Variants in CUBN observed in about 807,000 individuals in gnomAD.
CUBN encodes the protein 460 kDa receptor.
CUBN carries 282 observed loss-of-function variants against 405.3 expected under a neutral mutation model. That is an observed-to-expected ratio of 0.70 (90% CI 0.63 to 0.77). CUBN has a LOEUF of 0.77. Among genes scored for constraint, CUBN ranks in the 30% least tolerant of loss-of-function variants. The pLI, the probability that CUBN is intolerant of heterozygous loss-of-function variation, is 0.00. For synonymous variants in CUBN, 1,684 were observed against 1,617.0 expected, an observed-to-expected ratio of 1.04 and a Z score of -0.99; for missense variants, 4,514 against 4,475.2, an observed-to-expected ratio of 1.01 and a Z score of -0.25.
intron 60 of CUBN, among the ~76,000 whole-genome samples, chr10:16,843,329 T>A (rs1283441882): frequency 2.6e-5 from 4 of 152,224 alleles, no homozygotes; most frequent in Non-Finnish European, 5.9e-5. Flanking sequence ...ATTCAATTCA[T>A]AACAGAGCTA....
rs529898897 is a variant in CUBN at position 17,044,075 on chromosome 10, A to G, written c.3673-92T>C. 6.8e-4 allele frequency: 429 copies of G among 630,238 alleles called. 1 individual carries two copies. The African/African-American group carries it at 7.6e-3, about 11-fold the overall frequency. The allele number at this position is 630,238 out of a possible 1,614,324, so 39.0% of individuals were successfully genotyped here. A position where few individuals can be genotyped will look rare whatever the true frequency, so the allele number is the denominator to read the frequency against. On this transcript the variant is annotated intron_variant, in intron 25 of 66. Coordinates refer to ENST00000377833, the MANE Select transcript of CUBN (RefSeq NM_001081.4). ...AGAAGAAGTGAGGAAGAAAAAATAT[A>G]TATATTTATTATGTATATATATTAT...
chr10:17,125,694 C>G (rs1334816233), intron 4 of CUBN, among the ~76,000 whole-genome samples: 3 of 152,130 alleles, frequency 2.0e-5, no homozygotes, highest in African/African-American at 7.2e-5. Context: ...TTTGCCCTAT[C>G]CAAAGGCACA....
intron 27 of CUBN, among the ~76,000 whole-genome samples, chr10:17,024,301 C>G (rs1169221556): frequency 6.6e-6 from 1 of 152,114 alleles, no homozygotes; most frequent in Non-Finnish European, 1.5e-5. Flanking sequence ...TCTAAGTGAG[C>G]AGAGACCCAG....
intron 60 of CUBN, among the ~76,000 whole-genome samples, chr10:16,848,900 C>T (rs565539660): frequency 6.6e-6 from 1 of 152,028 alleles, no homozygotes; most frequent in Non-Finnish European, 1.5e-5. Context: ...GACGGGTTCT[C>T]ACTATGTTGC....
chr10:16,925,573 GCAAGACCTACCAC>G lies in CUBN; in HGVS notation c.6460_6462+10del. On this transcript the variant is annotated splice_donor_variant and splice_donor_5th_base_variant and coding_sequence_variant and intron_variant, in exon 42 of 67. Transcript: ENST00000377833. LOFTEE classifies it high-confidence loss of function. ...GAAAATGTAATTAGAAAGGGTAGCA[GCAAGACCTACCAC>G]CAAGTAATCCCCCTGGTTGCAAGAA... 6.2e-7 allele frequency: 1 copy of G among 1,613,688 alleles called. No homozygotes were observed. Among genetic ancestry groups the G allele is most frequent in the Non-Finnish European group, 8.5e-7 (1 of 1,179,858 alleles).
intron 33 of CUBN, among the ~76,000 whole-genome samples, chr10:16,951,590 A>C (rs1433224314): frequency 5.3e-5 from 8 of 152,196 alleles, no homozygotes; most frequent in Non-Finnish European, 1.2e-4. Flanking sequence ...CCATTCTGTC[A>C]TGTCCTTGAG....
rs752637481 is a variant in CUBN at position 16,841,065 on chromosome 10, T to C, written c.9664-18A>G. On this transcript the variant is annotated intron_variant, in intron 60 of 66. Transcript: ENST00000377833. ...TCATATAACTGAGAAGAAAAACAAT[T>C]CATTACTTCTCCATTACTTACAAAA... The C allele has an allele frequency of 3.7e-6, 6 of 1,612,500 alleles. No homozygotes were observed. Among genetic ancestry groups the C allele is most frequent in the Middle Eastern group, 1.6e-4 (1 of 6,078 alleles).
At chr10:16,991,857 C>A (rs190821543) in intron 28 of CUBN, among the ~76,000 whole-genome samples, 31 of 152,160 alleles carry the variant, frequency 2.0e-4, no homozygotes, top group African/African-American at 6.7e-4. Flanking sequence ...TCTAGAACTA[C>A]AAATACCATT....
chr10:16,995,064 C>A (rs1223426153), intron 28 of CUBN, among the ~76,000 whole-genome samples: 1 of 152,144 alleles, frequency 6.6e-6, no homozygotes, highest in Non-Finnish European at 1.5e-5. Context: ...GCTCTCCAGC[C>A]TGGGCGACAG....
intron 60 of CUBN, among the ~76,000 whole-genome samples, chr10:16,846,024 G>A (rs1192916171): frequency 6.6e-6 from 1 of 151,840 alleles, no homozygotes; most frequent in South Asian, 2.1e-4. Context: ...AGACATTTGT[G>A]TAAAAAAAAA....
At chr10:17,001,335 CTTATT>C (rs964880670) in intron 28 of CUBN, among the ~76,000 whole-genome samples, 6 of 152,184 alleles carry the variant, frequency 3.9e-5, no homozygotes, top group Non-Finnish European at 8.8e-5. Context: ...CTTTTATTCC[CTTATT>C]TGGCCCCGCC....
chr10:16,998,473 T>A (rs1833795196), intron 28 of CUBN, among the ~76,000 whole-genome samples: 1 of 152,174 alleles, frequency 6.6e-6, no homozygotes, highest in Non-Finnish European at 1.5e-5. Context: ...GTCAGAGGGA[T>A]GACCCTGCCA....
intron 3 of CUBN, 83 bp downstream of exon 3, chr10:17,127,746 G>A (rs1478896631): frequency 3.3e-6 from 3 of 910,608 alleles, no homozygotes; most frequent in Non-Finnish European, 1.8e-6. Context: ...ACACAAAGTT[G>A]GTATATCCCC....
At chr10:17,077,946 A>T (rs1037709942) in intron 17 of CUBN, among the ~76,000 whole-genome samples, 6 of 152,182 alleles carry the variant, frequency 3.9e-5, no homozygotes, top group African/African-American at 1.4e-4. Context: ...AATAAATATA[A>T]TCTGATCTTT....
At chr10:16,955,477 C>G (rs1843034386) in intron 31 of CUBN, among the ~76,000 whole-genome samples, 1 of 151,530 alleles carries the variant, frequency 6.6e-6, no homozygotes, top group African/African-American at 2.4e-5. Context: ...ACCTAGCTGA[C>G]CCTCCAGGCA....
intron 55 of CUBN, among the ~76,000 whole-genome samples, chr10:16,888,896 G>C (rs1017474628): frequency 6.6e-6 from 1 of 152,022 alleles, no homozygotes; most frequent in African/African-American, 2.4e-5. Flanking sequence ...TGCAGATAAA[G>C]AAATAAAACA....
At chr10:16,878,419 C>T (rs12249512) in intron 56 of CUBN, among the ~76,000 whole-genome samples, 2,117 of 152,244 alleles carry the variant, frequency 0.014, 58 homozygotes, top group African/African-American at 0.048. Context: ...CCATCAATCC[C>T]CTATTGCTTG....
At chr10:16,855,751 T>C in intron 59 of CUBN, among the ~76,000 whole-genome samples, 1 of 152,190 alleles carries the variant, frequency 6.6e-6, no homozygotes, top group Admixed American at 6.5e-5. Context: ...ATTGTTCAAT[T>C]CACAAAATAT....
chr10:16,840,354 G>A lies in CUBN; in HGVS notation c.10008C>T (p.Tyr3336=). 2.5e-6 allele frequency: 4 copies of A among 1,614,194 alleles called. No individual in the cohort carries two copies. In the South Asian group the frequency reaches 4.4e-5, roughly 18 times the overall value. The stretch of plus-strand genomic sequence containing the variant: ...CCTGCGGTGAGTCCTGAAGCTGTAA[G>A]TAATTCTGCGTGCAGTCTTGCGAGG... ...QLTSQDCTQN[Y]LQLQDSPQGH... is the part of the protein sequence containing the mutation. Residue 3336 remains tyrosine, a synonymous_variant, in exon 62 of 67, where the codon TAC becomes TAT. Coordinates refer to ENST00000377833, the MANE Select transcript of CUBN (RefSeq NM_001081.4).
Sources: allele counts gnomAD v4.1 joint callset (sites outside exome capture counted in the v4.1 genomes callset), GRCh38; gene constraint gnomAD v4.1.1; transcripts MANE v1.5; gene names NCBI Gene and HGNC (gene_info 2026-07-23, HGNC 2026-07-21).